The following SEPTIN11 variants were observed in gnomAD, a reference collection of about 807,000 sequenced individuals.
SEPTIN11 encodes the protein septin 11.
In SEPTIN11, 25 loss-of-function variants were observed where a neutral mutation model predicts 51.4. The ratio of observed to expected loss-of-function variants is 0.49; its 90% CI spans 0.35 to 0.68. The LOEUF is 0.68. Ranked by LOEUF, SEPTIN11 falls within the 30% of genes least tolerant of loss-of-function variation. The pLI, the probability that SEPTIN11 is intolerant of heterozygous loss-of-function variation, is 0.00. For synonymous variants in SEPTIN11, 174 were observed against 184.1 expected, an observed-to-expected ratio of 0.95 and a Z score of 0.44; for missense variants, 381 against 520.8, an observed-to-expected ratio of 0.73 and a Z score of 2.61.
chr4:76,985,591 C>T (rs941651271), intron 1 of SEPTIN11, among the ~76,000 whole-genome samples: 5 of 152,178 alleles, frequency 3.3e-5, no homozygotes, highest in Admixed American at 6.5e-5. Context: ...GGTGGAAGAA[C>T]GAGAACGAAT....
At chr4:77,011,211 T>C (rs1033649133) in intron 3 of SEPTIN11, among the ~76,000 whole-genome samples, 5 of 152,066 alleles carry the variant, frequency 3.3e-5, no homozygotes, top group Non-Finnish European at 7.4e-5. Context: ...TAGGTGGTGG[T>C]GTCATATCCT....
chr4:76,973,953 G>A (rs747537067), intron 1 of SEPTIN11, among the ~76,000 whole-genome samples: 10 of 152,078 alleles, frequency 6.6e-5, no homozygotes, highest in Non-Finnish European at 1.3e-4. Context: ...TTTTATATTC[G>A]TATCACTAAT....
intron 1 of SEPTIN11, chr4:76,995,928 C>G: frequency 6.5e-7 from 1 of 1,535,512 alleles, no homozygotes; most frequent in Non-Finnish European, 8.7e-7. Flanking sequence ...TTTAAATATG[C>G]TGCATTTATG....
intron 1 of SEPTIN11, chr4:76,959,121 T>C (rs879185220): frequency 3.3e-6 from 2 of 609,892 alleles, no homozygotes; most frequent in East Asian, 7.1e-5. Flanking sequence ...TTGCCTGCGG[T>C]GTCCAAGGCT....
Position 77,028,726 on chromosome 4 carries a change from G to A in SEPTIN11, c.1051G>A (p.Glu351Lys), listed in dbSNP as rs1726374209. The change falls in exon 8 of 10, where the codon GAG becomes AAG. Residue 351 changes from glutamate to lysine, a missense_variant. By Grantham distance (56) the Glu-to-Lys change is moderately conservative. This residue lies in a region of SEPTIN11 where 197 missense variants were observed against 313.1 expected (regional missense o/e 0.63). Transcript: ENST00000264893. ...ACAAATGTTTGTTATGAGAGTGAAG[G>A]AGAAAGAAGCTGAACTTAAGGAGGC... The part of the protein sequence containing the change: ...MRQMFVMRVK[E>K]KEAELKEAEK... 4 of 1,613,402 alleles carry A rather than the reference G, an allele frequency of 2.5e-6. No homozygotes were observed. The highest frequency in any genetic ancestry group is 3.4e-6 in the Non-Finnish European group (4 of 1,179,790).
chr4:77,006,668 T>C (rs1724496852), intron 3 of SEPTIN11, among the ~76,000 whole-genome samples: 1 of 152,210 alleles, frequency 6.6e-6, no homozygotes, highest in South Asian at 2.1e-4. Flanking sequence ...CATGTAGACA[T>C]GAACAACAAA....
chr4:76,953,935 T>G (rs1423917663), intron 1 of SEPTIN11, among the ~76,000 whole-genome samples: 1 of 152,218 alleles, frequency 6.6e-6, no homozygotes, highest in Non-Finnish European at 1.5e-5. Flanking sequence ...ATTTCACCAC[T>G]TTTTTGAGCA....
In SEPTIN11 at chr4:76,976,041, T is replaced by G. The variant is rs147393810; in HGVS notation, c.28-20384T>G. The stretch of plus-strand genomic sequence containing the variant: ...GGATACCATGGGGCTTCAAAGCTTT[T>G]GTTAATGTGTTGTTTTTTGGGCTGG... On this transcript the variant is annotated intron_variant, in intron 1 of 9. Coordinates refer to ENST00000264893, the MANE Select transcript of SEPTIN11 (RefSeq NM_018243.4). Among the ~76,000 whole-genome samples the G allele has an allele frequency of 6.3e-3, 961 of 152,310 alleles. 6 individuals are homozygous for G. The highest frequency in any genetic ancestry group is 0.022 in the African/African-American group (918 of 41,560).
intron 1 of SEPTIN11, among the ~76,000 whole-genome samples, chr4:76,973,964 A>G (rs1319662843): frequency 6.6e-6 from 1 of 152,188 alleles, no homozygotes; most frequent in Admixed American, 6.5e-5. Context: ...TATCACTAAT[A>G]GTTTTGGTGA....
chr4:76,985,397 A>G (rs1379312229), intron 1 of SEPTIN11, among the ~76,000 whole-genome samples: 1 of 152,032 alleles, frequency 6.6e-6, no homozygotes, highest in African/African-American at 2.4e-5. Context: ...TCCTCCCCCT[A>G]TCTGGGGTTG....
At chr4:77,018,238 C>T (rs1281441195) in intron 5 of SEPTIN11, among the ~76,000 whole-genome samples, 1 of 151,990 alleles carries the variant, frequency 6.6e-6, no homozygotes, top group Non-Finnish European at 1.5e-5. Context: ...ATCACAAGGT[C>T]AGGAGATCGA....
At chr4:76,997,366 T>C (rs897080326) in intron 2 of SEPTIN11, among the ~76,000 whole-genome samples, 5 of 152,212 alleles carry the variant, frequency 3.3e-5, no homozygotes, top group Admixed American at 1.3e-4. Flanking sequence ...CTTACTTTTC[T>C]TGTCCAAGTA....
At chr4:77,016,629 T>TACAC (rs1553975018) in intron 5 of SEPTIN11, among the ~76,000 whole-genome samples, 28 of 74,046 alleles carry the variant, frequency 3.8e-4, no homozygotes, top group South Asian at 8.2e-4. Flanking sequence ...TATATATATA[T>TACAC]ACACATATAT....
chr4:76,967,740 G>GTT (rs34274962), intron 1 of SEPTIN11, among the ~76,000 whole-genome samples: 1 of 149,084 alleles, frequency 6.7e-6, no homozygotes, highest in Non-Finnish European at 1.5e-5. Context: ...ACCATTAATA[G>GTT]TTTTTTTTTT....
At position 76,967,948 on chromosome 4, in the gene SEPTIN11, A is replaced by C. The variant is rs188619472; in HGVS notation, c.27+18018A>C. 1.9e-3 allele frequency among the ~76,000 whole-genome samples: 290 copies of C among 152,290 alleles called. 1 individual carries two copies. Among genetic ancestry groups the C allele is most frequent in the African/African-American group, 6.4e-3 (268 of 41,558 alleles). On this transcript the variant is annotated intron_variant, in intron 1 of 9. Coordinates refer to ENST00000264893, the MANE Select transcript of SEPTIN11 (RefSeq NM_018243.4). ...ATTTCTCCAATACAGGCCCGGCCAT[A>C]AGAGAGCAAATTTGGAGAACCAAAA...
At chr4:76,986,938 C>A (rs1723064016) in intron 1 of SEPTIN11, among the ~76,000 whole-genome samples, 1 of 152,072 alleles carries the variant, frequency 6.6e-6, no homozygotes, top group South Asian at 2.1e-4. Context: ...ATCTTACCAG[C>A]CCCAAAGAAA....
In SEPTIN11 at chr4:77,005,634, A is replaced by G. The variant is rs750349530; in HGVS notation, c.176A>G (p.Asp59Gly). Residue 59 changes from aspartate to glycine, a missense_variant, in exon 3 of 10, where the codon GAC becomes GGC. Asp to Gly is a moderately conservative substitution (Grantham distance 94, BLOSUM62 -1). Transcript: ENST00000264893. ...GGCATTGGCAAATCCACGTTAATGG[A>G]CACTTTGTTCAACACCAAATTTGAA... is the stretch of plus-strand genomic sequence containing the variant. ...ETGIGKSTLM[D>G]TLFNTKFESD... The G allele has an allele frequency of 6.2e-7, 1 of 1,613,994 alleles. No individual in the cohort carries two copies. The highest frequency in any genetic ancestry group is 1.7e-4 in the Middle Eastern group (1 of 6,056).
intron 1 of SEPTIN11, among the ~76,000 whole-genome samples, chr4:76,951,244 T>C (rs1242390913): frequency 6.6e-6 from 1 of 152,168 alleles, no homozygotes; most frequent in Non-Finnish European, 1.5e-5. Context: ...TCTAATTCGA[T>C]TTGGTGGTTC....
intron 1 of SEPTIN11, among the ~76,000 whole-genome samples, chr4:76,968,517 T>G (rs1352766979): frequency 6.6e-6 from 1 of 152,186 alleles, no homozygotes; most frequent in Non-Finnish European, 1.5e-5. Context: ...AAGGCAGATG[T>G]TTTGTAAGCA....
Sources: allele counts gnomAD v4.1 joint callset (sites outside exome capture counted in the v4.1 genomes callset), GRCh38; gene constraint gnomAD v4.1.1; regional missense constraint gnomAD v4.1.1; transcripts MANE v1.5; gene names NCBI Gene and HGNC (gene_info 2026-07-23, HGNC 2026-07-21).